PARG: variants seen among roughly 807,000 people sequenced by gnomAD.
The protein encoded by PARG is poly(ADP-ribose) glycohydrolase.
In PARG, 35 loss-of-function variants were observed where a neutral mutation model predicts 113.0. The ratio of observed to expected loss-of-function variants is 0.31; its 90% CI spans 0.24 to 0.41. PARG has a LOEUF of 0.41. Ranked by LOEUF, PARG falls within the 10% of genes least tolerant of loss-of-function variation. The pLI, the probability that PARG is intolerant of heterozygous loss-of-function variation, is 1.00. For missense variants in PARG, 797 were observed against 1,169.4 expected (o/e 0.68, Z 4.64); for synonymous variants, 330 against 409.9 (o/e 0.81, Z 2.36).
intron 7 of PARG, among the ~76,000 whole-genome samples, chr10:49,898,422 ACCCTCAGC>A (rs1415265762): frequency 3.2e-4 from 48 of 150,060 alleles, no homozygotes; most frequent in Non-Finnish European, 6.7e-4. Context: ...CTACTAAACT[ACCCTCAGC>A]CCTCATCCAG....
chr10:49,853,121 C>T (rs1178886193), intron 13 of PARG, among the ~76,000 whole-genome samples: 1 of 150,066 alleles, frequency 6.7e-6, no homozygotes, highest in South Asian at 2.1e-4. Flanking sequence ...GCAAGCTCCG[C>T]CTCCTGGGTT....
In PARG at chr10:49,911,301, G is replaced by C. The variant is rs1333151463; in HGVS notation, c.1737+4616C>G. Among the ~76,000 whole-genome samples the C allele has an allele frequency of 4.8e-4, 72 of 150,936 alleles. 1 individual carries two copies. Among genetic ancestry groups the C allele is most frequent in the Middle Eastern group, 6.9e-3 (2 of 290 alleles). On this transcript the variant is annotated intron_variant, in intron 7 of 17. Transcript: ENST00000616448. ...GTGTCTCAAAAAAAAAAAAAAAAGA[G>C]AAGTATTTAAAAATTCCTCCAAGAT...
intron 16 of PARG, among the ~76,000 whole-genome samples, chr10:49,824,211 G>A (rs1243406286): frequency 1.3e-5 from 2 of 151,938 alleles, no homozygotes; most frequent in African/African-American, 4.8e-5. Flanking sequence ...AGATAATCTC[G>A]ATCCTAGATA....
At chr10:49,851,873 G>T (rs1845776310) in intron 13 of PARG, among the ~76,000 whole-genome samples, 1 of 149,230 alleles carries the variant, frequency 6.7e-6, no homozygotes, top group African/African-American at 2.5e-5. Flanking sequence ...ACTCATGGCT[G>T]CCCCAGGCAG....
chr10:49,906,144 CTTTT>C lies in PARG; in HGVS notation c.1737+9769_1737+9772del, dbSNP rs71471360. Among the ~76,000 whole-genome samples, 1,089 of 111,076 alleles carry C rather than the reference CTTTT, an allele frequency of 9.8e-3. 13 individuals carry two copies. Among genetic ancestry groups the C allele is most frequent in the Non-Finnish European group, 0.017 (814 of 48,268 alleles). 72.9% of individuals were successfully genotyped at this position (111,076 alleles called of 152,430 possible). On this transcript the variant is annotated intron_variant, in intron 7 of 17. Transcript: ENST00000616448. ...TTTCCCTGAGGCTGTGATGCTGCCG[CTTTT>C]TTTTTTTTTTTCCCAGTAGAAACAG... is the stretch of plus-strand genomic sequence containing the variant.
intron 7 of PARG, among the ~76,000 whole-genome samples, chr10:49,890,491 T>C (rs1194775247): frequency 1.3e-5 from 2 of 152,176 alleles, no homozygotes; most frequent in Non-Finnish European, 2.9e-5. Context: ...TGCCAGAAGA[T>C]GACAGAAGAG....
intron 8 of PARG, among the ~76,000 whole-genome samples, chr10:49,882,351 T>C (rs1847256423): frequency 6.6e-6 from 1 of 150,864 alleles, no homozygotes; most frequent in Non-Finnish European, 1.5e-5. Flanking sequence ...CTAGAGTACT[T>C]CAATGTGATA....
At chr10:49,861,929 A>G (rs1413076955) in intron 11 of PARG, among the ~76,000 whole-genome samples, 1 of 151,868 alleles carries the variant, frequency 6.6e-6, no homozygotes, top group Admixed American at 6.6e-5. Flanking sequence ...TCTTTAAAAC[A>G]GTTGAAAAAC....
intron 4 of PARG, among the ~76,000 whole-genome samples, chr10:49,927,513 T>C (rs1838267078): frequency 6.6e-6 from 1 of 151,412 alleles, no homozygotes; most frequent in Non-Finnish European, 1.5e-5. Context: ...AAAGGACCTA[T>C]GAAAAAGGCT....
intron 13 of PARG, among the ~76,000 whole-genome samples, chr10:49,856,472 G>A (rs1845994463): frequency 2.0e-5 from 3 of 152,296 alleles, no homozygotes; most frequent in African/African-American, 4.8e-5. Flanking sequence ...GAACTATCGC[G>A]CCTGGCCATG....
At chr10:49,887,721 T>G (rs1847566915) in intron 7 of PARG, among the ~76,000 whole-genome samples, 1 of 152,140 alleles carries the variant, frequency 6.6e-6, no homozygotes. Flanking sequence ...GAGAGGCACT[T>G]TGGTTGTTTT....
intron 1 of PARG, among the ~76,000 whole-genome samples, chr10:49,939,558 A>G (rs1347808341): frequency 6.6e-6 from 1 of 152,218 alleles, no homozygotes; most frequent in African/African-American, 2.4e-5. Flanking sequence ...CTAAAATATT[A>G]ACCAAATGGT....
chr10:49,889,083 A>T (rs1554840982), intron 7 of PARG, among the ~76,000 whole-genome samples: 5 of 118,852 alleles, frequency 4.2e-5, no homozygotes, highest in African/African-American at 9.5e-5. Flanking sequence ...CTTTGCTGGG[A>T]CTTTCTGTTT....
intron 13 of PARG, among the ~76,000 whole-genome samples, chr10:49,846,412 T>A (rs1845514013): frequency 6.6e-6 from 1 of 151,288 alleles, no homozygotes; most frequent in African/African-American, 2.4e-5. Context: ...GTGTGGGATA[T>A]AAAAGCATAT....
chr10:49,920,604 GTACA>G lies in PARG; in HGVS notation c.1662+1728_1662+1731del, dbSNP rs544778820. Among the ~76,000 whole-genome samples the G allele has an allele frequency of 2.8e-3, 371 of 133,020 alleles. 2 individuals are homozygous for G. Among genetic ancestry groups the G allele is most frequent in the African/African-American group, 9.5e-3 (333 of 35,058 alleles). The allele number at this position is 133,020 out of a possible 152,430, so 87.3% of individuals were successfully genotyped here. The stretch of plus-strand genomic sequence containing the variant: ...TATATACACATATATACATATATAC[GTACA>G]TATATACGTATATATATACATGTAT... On this transcript the variant is annotated intron_variant, in intron 6 of 17. Transcript: ENST00000616448.
Position 49,933,699 on chromosome 10 carries a change from C to A in PARG, c.749G>T (p.Cys250Phe), listed in dbSNP as rs1420996180. The A allele has an allele frequency of 1.6e-5, 25 of 1,611,692 alleles. 1 individual carries two copies. The Admixed American group carries it at 2.8e-4, about 18-fold the overall frequency. Residue 250 changes from cysteine (C) to phenylalanine (F), a missense_variant, in exon 3 of 18, where the codon TGT becomes TTT. Coordinates refer to ENST00000616448, the MANE Select transcript of PARG (RefSeq NM_003631.5). ...CACCACATCTATCTCATCTTGCTGA[C>A]AACTTGCACAGTCTTCCCCAGGATC... is the stretch of plus-strand genomic sequence containing the variant. ...SCDPGEDCASCQQDEIDVVPE... is the reference protein window; with the variant it reads ...SCDPGEDCASFQQDEIDVVPE...
At chr10:49,926,630 T>C (rs1469583318) in intron 4 of PARG, among the ~76,000 whole-genome samples, 1 of 152,204 alleles carries the variant, frequency 6.6e-6, no homozygotes, top group Admixed American at 6.5e-5. Flanking sequence ...TGCCAAACCT[T>C]AACATTCCTT....
At chr10:49,840,668 C>T (rs548240273) in intron 15 of PARG, among the ~76,000 whole-genome samples, 3 of 152,032 alleles carry the variant, frequency 2.0e-5, no homozygotes, top group African/African-American at 4.8e-5. Flanking sequence ...ATTATACATA[C>T]GAGAACATGT....
intron 13 of PARG, among the ~76,000 whole-genome samples, chr10:49,856,935 G>T (rs1208404878): frequency 6.7e-6 from 1 of 149,984 alleles, no homozygotes; most frequent in Non-Finnish European, 1.5e-5. Flanking sequence ...CTTGAACCTG[G>T]GAGGAGGAGG....
Sources: gnomAD v4.1 joint callset for allele counts (sites outside exome capture counted in the v4.1 genomes callset) on GRCh38, gnomAD v4.1.1 for gene constraint, MANE v1.5 for transcripts, NCBI Gene and HGNC (gene_info 2026-07-23, HGNC 2026-07-21) for gene names.